CNTN4: variants seen among roughly 807,000 people sequenced by gnomAD.
CNTN4 encodes the protein contactin-4.
In CNTN4, 77 loss-of-function variants were observed where a neutral mutation model predicts 122.5. The ratio of observed to expected loss-of-function variants is 0.63; its 90% confidence interval spans 0.52 to 0.76. The LOEUF (loss-of-function observed/expected upper bound fraction) is 0.76. Among genes scored for constraint, CNTN4 ranks in the 30% least tolerant of loss-of-function variants. The pLI is 0.00. For missense variants in CNTN4, 1,256 were observed against 1,259.1 expected (o/e 1.00, Z 0.04); for synonymous variants, 512 against 447.0 (o/e 1.15, Z -1.83).
chr3:2,764,358 A>T (rs1309972603), intron 6 of CNTN4, among the ~76,000 whole-genome samples: 1 of 152,230 alleles, frequency 6.6e-6, no homozygotes, highest in Non-Finnish European at 1.5e-5. Context: ...GATCTGAAGG[A>T]TCAGTAAGGA....
In CNTN4 at chr3:2,315,297, T is replaced by C. The variant is rs142114806; in HGVS notation, c.-144-23881T>C. Among the ~76,000 whole-genome samples, 30 of 152,102 alleles carry C rather than the reference T, an allele frequency of 2.0e-4. No homozygotes were observed. The East Asian group carries it at 3.9e-3, about 20-fold the overall frequency. On this transcript the variant is annotated intron_variant, in intron 2 of 24. Coordinates refer to ENST00000418658, the MANE Select transcript of CNTN4 (RefSeq NM_175607.3). ...TGACCAATTGATTTAACTTAGGTAA[T>C]TTTTGCCACTTGTATGAATTAAGGT... is the stretch of plus-strand genomic sequence containing the variant.
At chr3:2,430,276 G>A (rs2048014953) in intron 3 of CNTN4, among the ~76,000 whole-genome samples, 1 of 151,892 alleles carries the variant, frequency 6.6e-6, no homozygotes, top group South Asian at 2.1e-4. Flanking sequence ...CAAAAAATTA[G>A]CCGGGCGTGG....
intron 4 of CNTN4, among the ~76,000 whole-genome samples, chr3:2,687,412 G>A (rs531536108): frequency 6.6e-6 from 1 of 152,120 alleles, no homozygotes; most frequent in Non-Finnish European, 1.5e-5. Flanking sequence ...TGCAATCTCA[G>A]CACTCTGGGA....
At chr3:2,244,647 G>A (rs974404886) in intron 2 of CNTN4, among the ~76,000 whole-genome samples, 2 of 151,870 alleles carry the variant, frequency 1.3e-5, no homozygotes, top group Non-Finnish European at 2.9e-5. Flanking sequence ...ATTTCAAACT[G>A]CATATGTGTC....
intron 12 of CNTN4, among the ~76,000 whole-genome samples, chr3:2,918,216 C>G (rs902080924): frequency 2.0e-5 from 3 of 152,160 alleles, no homozygotes; most frequent in Non-Finnish European, 4.4e-5. Context: ...TTCTGGTGAG[C>G]CTGCATGTCT....
intron 4 of CNTN4, among the ~76,000 whole-genome samples, chr3:2,589,478 T>C (rs1225180897): frequency 2.6e-5 from 4 of 152,210 alleles, no homozygotes; most frequent in Non-Finnish European, 4.4e-5. Context: ...TCTTCCTTAC[T>C]CAAGACTACT....
intron 3 of CNTN4, among the ~76,000 whole-genome samples, chr3:2,415,203 A>G (rs2047369179): frequency 6.6e-6 from 1 of 152,172 alleles, no homozygotes; most frequent in Non-Finnish European, 1.5e-5. Context: ...TAAGAAAACC[A>G]GTGTCTATTA....
intron 3 of CNTN4, among the ~76,000 whole-genome samples, chr3:2,382,404 C>G (rs1384547285): frequency 6.6e-6 from 1 of 152,096 alleles, no homozygotes; most frequent in Non-Finnish European, 1.5e-5. Context: ...ATCCACCCGC[C>G]TCGGCCTCCC....
intron 14 of CNTN4, among the ~76,000 whole-genome samples, chr3:3,007,520 G>A (rs1465786999): frequency 6.6e-6 from 1 of 152,216 alleles, no homozygotes; most frequent in South Asian, 2.1e-4. Context: ...CACCCAAAGG[G>A]TGTTGTCATT....
At chr3:2,999,441 C>A (rs934701802) in intron 14 of CNTN4, among the ~76,000 whole-genome samples, 1 of 152,062 alleles carries the variant, frequency 6.6e-6, no homozygotes, top group Non-Finnish European at 1.5e-5. Flanking sequence ...TAATAAAATA[C>A]CATAGACTGG....
intron 12 of CNTN4, among the ~76,000 whole-genome samples, chr3:2,907,102 G>T (rs1187068357): frequency 6.6e-6 from 1 of 152,130 alleles, no homozygotes; most frequent in Non-Finnish European, 1.5e-5. Flanking sequence ...AATTAATATT[G>T]GTTAACTTGG....
intron 5 of CNTN4, among the ~76,000 whole-genome samples, chr3:2,742,859 G>C (rs2089535385): frequency 6.6e-6 from 1 of 152,158 alleles, no homozygotes; most frequent in Admixed American, 6.5e-5. Flanking sequence ...AAGAAATTCA[G>C]TGCAATCCAC....
At chr3:2,375,850 A>G (rs2045795532) in intron 3 of CNTN4, among the ~76,000 whole-genome samples, 1 of 152,108 alleles carries the variant, frequency 6.6e-6, no homozygotes, top group South Asian at 2.1e-4. Context: ...GAAAATGTTA[A>G]ATGCCTTGGT....
chr3:2,626,796 A>G (rs529552308), intron 4 of CNTN4, among the ~76,000 whole-genome samples: 4 of 152,302 alleles, frequency 2.6e-5, no homozygotes, highest in Non-Finnish European at 5.9e-5. Context: ...CTGTTTTCTT[A>G]GTCAACTGTA....
At chr3:2,105,981 C>T (rs1351897239) in intron 2 of CNTN4, among the ~76,000 whole-genome samples, 1 of 152,228 alleles carries the variant, frequency 6.6e-6, no homozygotes, top group African/African-American at 2.4e-5. Context: ...AACAAAGGGG[C>T]TACAGGCCCC....
At chr3:2,257,743 C>T (rs2040658273) in intron 2 of CNTN4, among the ~76,000 whole-genome samples, 1 of 152,118 alleles carries the variant, frequency 6.6e-6, no homozygotes, top group Admixed American at 6.5e-5. Context: ...TACCATCTCT[C>T]ATCAGTTAGA....
chr3:2,130,722 T>C (rs911564748), intron 2 of CNTN4, among the ~76,000 whole-genome samples: 1 of 152,212 alleles, frequency 6.6e-6, no homozygotes, highest in African/African-American at 2.4e-5. Flanking sequence ...GTGGTGTCTA[T>C]GTTTTGAATA....
intron 2 of CNTN4, among the ~76,000 whole-genome samples, chr3:2,248,896 G>A (rs2040258758): frequency 6.6e-6 from 1 of 151,928 alleles, no homozygotes; most frequent in African/African-American, 2.4e-5. Context: ...TGGGAAATTA[G>A]GTTGTGAATG....
rs187953925 is a variant in CNTN4, at chr3:2,830,523, A to G, written c.454+10942A>G. Among the ~76,000 whole-genome samples the G allele has an allele frequency of 1.1e-3, 174 of 152,350 alleles. 2 individuals are homozygous for G. The highest frequency in any genetic ancestry group is 3.9e-3 in the African/African-American group (164 of 41,584). On this transcript the variant is annotated intron_variant, in intron 7 of 24. Transcript: ENST00000418658. ...CTGTCCCAGAAAGCAGTGAAGGATG[A>G]CATTGTGTTAGAACATAGGTTGGGA...
Sources: gnomAD v4.1 joint callset for allele counts (sites outside exome capture counted in the v4.1 genomes callset) on GRCh38, gnomAD v4.1.1 for gene constraint, MANE v1.5 for transcripts, NCBI Gene and HGNC (gene_info 2026-07-23, HGNC 2026-07-21) for gene names.